THADA: variants seen among roughly 807,000 people sequenced by gnomAD.
THADA encodes tRNA (32-2'-O)-methyltransferase regulator THADA.
A neutral mutation model predicts 219.8 loss-of-function variants in THADA; 213 were observed. The ratio of observed to expected loss-of-function variants is 0.97; its 90% CI spans 0.87 to 1.09. The LOEUF (loss-of-function observed/expected upper bound fraction) is 1.09. THADA is among the 50% of genes least tolerant of loss of function. The probability of loss-of-function intolerance (pLI) is 0.00; values close to 1 mark genes in which losing one functional copy is unlikely to be tolerated. For synonymous variants in THADA, 1,018 were observed against 828.9 expected, an observed-to-expected ratio of 1.23 and a Z score of -3.92; for missense variants, 2,956 against 2,311.3, an observed-to-expected ratio of 1.28 and a Z score of -5.72.
At position 43,588,447 on chromosome 2, in the gene THADA, CAA is replaced by C. The variant is rs558509006; in HGVS notation, c.303-1447_303-1446del. ...AATAATATTTTAATTTTTGTAAAGACAAGACACCATGAGAAAGTTAAAGACAA... is the reference window on the plus strand; with the variant it reads ...AATAATATTTTAATTTTTGTAAAGACGACACCATGAGAAAGTTAAAGACAA... On this transcript the variant is annotated intron_variant, in intron 4 of 37. Coordinates refer to ENST00000405975, the MANE Select transcript of THADA (RefSeq NM_022065.5). 1.7e-4 allele frequency among the ~76,000 whole-genome samples: 26 copies of C among 152,066 alleles called. No individual in the cohort carries two copies. In the East Asian group the frequency reaches 4.6e-3, roughly 27 times the overall value.
At chr2:43,502,103 T>C (rs1437887649) in intron 24 of THADA, among the ~76,000 whole-genome samples, 1 of 152,094 alleles carries the variant, frequency 6.6e-6, no homozygotes, top group East Asian at 1.9e-4. Context: ...GTATTAGTTA[T>C]CCAAATGGCA....
At chr2:43,312,561 C>T (rs765718877) in intron 31 of THADA, among the ~76,000 whole-genome samples, 2 of 151,962 alleles carry the variant, frequency 1.3e-5, no homozygotes, top group African/African-American at 4.8e-5. Flanking sequence ...AATAACATAC[C>T]CTATATTATT....
intron 36 of THADA, among the ~76,000 whole-genome samples, chr2:43,235,597 C>T (rs999089935): frequency 1.3e-5 from 2 of 152,086 alleles, no homozygotes; most frequent in African/African-American, 4.8e-5. Context: ...TGGCCTCCCA[C>T]CACTTTTTTT....
Position 43,433,756 on chromosome 2 carries a change from C to T in THADA, c.3837-3454G>A, listed in dbSNP as rs921858403. ...AGGCTGGAGTGCAGTGGTGCAATTT[C>T]GGCTCACTGCAACCTCTGCCTCCTA... is the stretch of plus-strand genomic sequence containing the variant. On this transcript the variant is annotated intron_variant, in intron 26 of 37. Transcript: ENST00000405975. 7.2e-5 allele frequency among the ~76,000 whole-genome samples: 11 copies of T among 152,102 alleles called. No homozygotes were observed. The East Asian group carries it at 9.7e-4, about 13-fold the overall frequency.
At chr2:43,537,736 G>C (rs912537412) in intron 21 of THADA, among the ~76,000 whole-genome samples, 5 of 152,030 alleles carry the variant, frequency 3.3e-5, no homozygotes, top group African/African-American at 9.7e-5. Context: ...GGAGGCTGAG[G>C]TGGGAGGATC....
chr2:43,388,286 G>T (rs1231927336), intron 29 of THADA, among the ~76,000 whole-genome samples: 1 of 152,112 alleles, frequency 6.6e-6, no homozygotes, highest in Non-Finnish European at 1.5e-5. Context: ...AAGCCTGACA[G>T]TGTACCCACG....
At chr2:43,427,461 G>C (rs1247765216) in intron 28 of THADA, among the ~76,000 whole-genome samples, 1 of 150,610 alleles carries the variant, frequency 6.6e-6, no homozygotes, top group South Asian at 2.1e-4. Flanking sequence ...GGCAATGGCA[G>C]GAAAACCCAG....
intron 31 of THADA, among the ~76,000 whole-genome samples, chr2:43,303,086 G>C (rs907808150): frequency 2.6e-5 from 4 of 152,196 alleles, no homozygotes; most frequent in African/African-American, 9.6e-5. Context: ...AAAGCTTCTT[G>C]AGGCTAGTCT....
At position 43,441,696 on chromosome 2, in the gene THADA, A is replaced by G. The variant is rs140897706; in HGVS notation, c.3837-11394T>C. Among the ~76,000 whole-genome samples the G allele has an allele frequency of 2.7e-3, 418 of 152,304 alleles. 13 individuals are homozygous for G. In the East Asian group the frequency reaches 0.064, roughly 23 times the overall value. On this transcript the variant is annotated intron_variant, in intron 26 of 37. Coordinates refer to ENST00000405975, the MANE Select transcript of THADA (RefSeq NM_022065.5). Reference sequence around the variant, plus strand: ...ACCATTTATAATAGTGTCTCCATATAAAAGAATTTCATAGGTTTTGGACTG... The same window carrying G: ...ACCATTTATAATAGTGTCTCCATATGAAAGAATTTCATAGGTTTTGGACTG...
intron 16 of THADA, among the ~76,000 whole-genome samples, chr2:43,556,772 C>CA (rs1697405363): frequency 6.6e-6 from 1 of 151,930 alleles, no homozygotes. Context: ...AAAACAACAA[C>CA]AAAAAACACA....
intron 28 of THADA, among the ~76,000 whole-genome samples, chr2:43,427,827 G>A (rs1199248295): frequency 6.7e-6 from 1 of 149,262 alleles, no homozygotes; most frequent in African/African-American, 2.4e-5. Flanking sequence ...GTGGTGGCGG[G>A]TGCCTGTAGC....
At chr2:43,318,675 G>C (rs1573043866) in intron 31 of THADA, among the ~76,000 whole-genome samples, 1 of 152,130 alleles carries the variant, frequency 6.6e-6, no homozygotes, top group African/African-American at 2.4e-5. Context: ...TTACTCTGTA[G>C]AGTAACATCT....
At chr2:43,566,214 T>C in intron 15 of THADA, 1 of 440,352 alleles carries the variant, frequency 2.3e-6, no homozygotes. Context: ...AAGGGTATTA[T>C]TAAATCAGAA....
intron 24 of THADA, among the ~76,000 whole-genome samples, chr2:43,501,307 CAAAAAAAAAAA>C (rs60448094): frequency 3.5e-3 from 53 of 15,046 alleles, no homozygotes; most frequent in African/African-American, 7.7e-3. Context: ...ACTCCAACTC[CAAAAAAAAAAA>C]AAAAAAAAAA....
chr2:43,461,673 T>C (rs889416302), intron 26 of THADA, among the ~76,000 whole-genome samples: 2 of 152,196 alleles, frequency 1.3e-5, no homozygotes, highest in Non-Finnish European at 2.9e-5. Flanking sequence ...AGCAGTCCCA[T>C]GGACCTTCAG....
At chr2:43,281,767 C>T (rs1572897766) in intron 35 of THADA, among the ~76,000 whole-genome samples, 1 of 151,432 alleles carries the variant, frequency 6.6e-6, no homozygotes, top group Non-Finnish European at 1.5e-5. Flanking sequence ...TTTGCTTCTA[C>T]CTATTCAGTA....
chr2:43,358,828 T>C lies in THADA; in HGVS notation c.4228-14591A>G, dbSNP rs554025063. Among the ~76,000 whole-genome samples the C allele has an allele frequency of 1.4e-4, 21 of 152,274 alleles. No individual in the cohort carries two copies. The South Asian group carries it at 4.1e-3, about 30-fold the overall frequency. ...GACTCCTCTTTTAGAAAAATAAAGA[T>C]GGAATTTTTTTCCCCTCTTTCGGTT... On this transcript the variant is annotated intron_variant, in intron 29 of 37. Coordinates refer to ENST00000405975, the MANE Select transcript of THADA (RefSeq NM_022065.5).
intron 29 of THADA, among the ~76,000 whole-genome samples, chr2:43,367,392 A>G (rs1159966813): frequency 6.6e-6 from 1 of 152,224 alleles, no homozygotes; most frequent in Non-Finnish European, 1.5e-5. Context: ...GTATTATTCA[A>G]TATTGTAGAC....
At chr2:43,468,541 C>A (rs1009216262) in intron 26 of THADA, among the ~76,000 whole-genome samples, 5 of 152,144 alleles carry the variant, frequency 3.3e-5, no homozygotes, top group African/African-American at 1.2e-4. Flanking sequence ...GTCCTCCTCA[C>A]TGCATTGCCC....
Sources: allele counts gnomAD v4.1 joint callset (sites outside exome capture counted in the v4.1 genomes callset), GRCh38; gene constraint gnomAD v4.1.1; transcripts MANE v1.5; gene names NCBI Gene and HGNC (gene_info 2026-07-23, HGNC 2026-07-21).